CHMP4B: variants seen among roughly 807,000 people sequenced by gnomAD.
The protein encoded by CHMP4B is charged multivesicular body protein 4B.
A neutral mutation model predicts 25.1 loss-of-function variants in CHMP4B; 1 was observed. The observed-to-expected ratio is 0.04, with a 90% CI of 0.01 to 0.19. The LOEUF (loss-of-function observed/expected upper bound fraction) is 0.19. Ranked by LOEUF, CHMP4B falls within the 10% of genes least tolerant of loss-of-function variation. The pLI is 1.00. For synonymous variants in CHMP4B, 101 were observed against 115.6 expected (o/e 0.87, Z 0.81); for missense variants, 151 against 289.7 (o/e 0.52, Z 3.48).
At chr20:33,839,585 T>C (rs1979479280) in intron 1 of CHMP4B, among the ~76,000 whole-genome samples, 1 of 152,206 alleles carries the variant, frequency 6.6e-6, no homozygotes, top group South Asian at 2.1e-4. Flanking sequence ...CCATCTGGAC[T>C]GTCGCTAGTG....
chr20:33,836,600 C>T (rs535100082), intron 1 of CHMP4B, among the ~76,000 whole-genome samples: 1 of 152,074 alleles, frequency 6.6e-6, no homozygotes, highest in Non-Finnish European at 1.5e-5. Context: ...GGGTGCTGAT[C>T]AGTATTCTGC....
At position 33,853,878 on chromosome 20, in the gene CHMP4B, G is replaced by A. The variant is rs990622518; in HGVS notation, c.*318G>A. The A allele has an allele frequency of 9.1e-6, 4 of 441,288 alleles. No individual in the cohort carries two copies. The highest frequency in any genetic ancestry group is 1.7e-5 in the Non-Finnish European group (4 of 237,892). The allele number at this position is 441,288 out of a possible 1,614,324, so 27.3% of individuals were successfully genotyped here. ...CTGACTCCACTGCTGAATCCTCAAT[G>A]GAAAGGGTCGACTGGTTGCAGTTGA... On this transcript the variant is annotated 3_prime_UTR_variant, in exon 5 of 5. Coordinates refer to ENST00000217402, the MANE Select transcript of CHMP4B (RefSeq NM_176812.5).
chr20:33,812,246 C>G (rs901662059), intron 1 of CHMP4B, among the ~76,000 whole-genome samples: 1 of 152,218 alleles, frequency 6.6e-6, no homozygotes, highest in African/African-American at 2.4e-5. Context: ...GTTGCTTTCC[C>G]TTTGAGGCCT....
intron 1 of CHMP4B, among the ~76,000 whole-genome samples, chr20:33,844,891 T>A (rs777839761): frequency 1.3e-5 from 2 of 151,980 alleles, no homozygotes; most frequent in Non-Finnish European, 2.9e-5. Context: ...CCCAAGTGGC[T>A]CGGACCACAG....
In CHMP4B at chr20:33,848,639, C is replaced by G; in HGVS notation, c.363C>G (p.Asp121Glu). Reference protein sequence around the residue: ...YAAKAMKAAHDNMDIDKVDEL... With the variant: ...YAAKAMKAAHENMDIDKVDEL... ...CCAAGGCCATGAAGGCGGCCCATGA[C>G]AACATGTACGTGTCCACCCGCCCCT... Residue 121 changes from aspartate to glutamate, a missense_variant, in exon 2 of 5, where the codon GAC becomes GAG. Asp to Glu is a conservative substitution (Grantham distance 45). Coordinates refer to ENST00000217402, the MANE Select transcript of CHMP4B (RefSeq NM_176812.5). 3 of 1,614,208 alleles carry G rather than the reference C, an allele frequency of 1.9e-6. No homozygotes were observed. Among genetic ancestry groups the G allele is most frequent in the Non-Finnish European group, 2.5e-6 (3 of 1,180,030 alleles).
rs1300082481 is a variant in CHMP4B at position 33,832,948 on chromosome 20, A to T, written c.191-15519A>T. On this transcript the variant is annotated intron_variant, in intron 1 of 4. Coordinates refer to ENST00000217402, the MANE Select transcript of CHMP4B (RefSeq NM_176812.5). The stretch of plus-strand genomic sequence containing the variant: ...TGTGCACCACCATGCCTGGCTAATT[A>T]AAAAAAAATTTTTTTTTTTTTGTAG... 2.2e-4 allele frequency among the ~76,000 whole-genome samples: 25 copies of T among 113,504 alleles called. No homozygotes were observed. In the Admixed American group the frequency reaches 2.4e-3, roughly 11 times the overall value. 74.5% of individuals were successfully genotyped at this position (113,504 alleles called of 152,430 possible). A position where few individuals can be genotyped will look rare whatever the true frequency, so the allele number is the denominator to read the frequency against.
intron 1 of CHMP4B, among the ~76,000 whole-genome samples, chr20:33,835,867 T>C (rs1168446325): frequency 6.6e-6 from 1 of 151,820 alleles, no homozygotes; most frequent in Non-Finnish European, 1.5e-5. Context: ...GAGGAGGAGG[T>C]GCCAGGCTCT....
At chr20:33,849,465 T>C (rs554650758) in intron 2 of CHMP4B, among the ~76,000 whole-genome samples, 2 of 152,092 alleles carry the variant, frequency 1.3e-5, no homozygotes, top group East Asian at 3.9e-4. Context: ...CTGGGTGTCG[T>C]GGCATGCGCC....
At chr20:33,830,933 G>GTTGTTTTTTTTTTTTTTTTTTTT (rs746793442) in intron 1 of CHMP4B, among the ~76,000 whole-genome samples, 1 of 102,524 alleles carries the variant, frequency 9.8e-6, no homozygotes, top group African/African-American at 3.7e-5. Context: ...AAGGAACAGA[G>GTTGTTTTTTTTTTTTTTTTTTTT]TTTTTTTTTT....
chr20:33,851,231 A>G lies in CHMP4B; in HGVS notation c.483+165A>G, dbSNP rs542431187. On this transcript the variant is annotated intron_variant, in intron 3 of 4. Transcript: ENST00000217402. ...CTGCATTTTGAGGGACACTTTCTCTATTTGGGGTGGAAGCTTAGGTAGAGT... is the reference window on the plus strand; with the variant it reads ...CTGCATTTTGAGGGACACTTTCTCTGTTTGGGGTGGAAGCTTAGGTAGAGT... Among the ~76,000 whole-genome samples, 67 of 152,274 alleles carry G rather than the reference A, an allele frequency of 4.4e-4. No individual in the cohort carries two copies. In the South Asian group the frequency reaches 0.013, roughly 30 times the overall value.
intron 1 of CHMP4B, among the ~76,000 whole-genome samples, chr20:33,827,742 A>C (rs1196169200): frequency 3.3e-5 from 5 of 152,216 alleles, no homozygotes; most frequent in Admixed American, 2.6e-4. Context: ...CTACTGGACA[A>C]ACCCCCAGCA....
At chr20:33,847,287 T>A (rs1979712585) in intron 1 of CHMP4B, among the ~76,000 whole-genome samples, 1 of 96,316 alleles carries the variant, frequency 1.0e-5, no homozygotes, top group South Asian at 3.7e-4. Context: ...AGATGTACTG[T>A]TTTTTTTTTT....
chr20:33,840,780 T>C (rs990681586), intron 1 of CHMP4B, among the ~76,000 whole-genome samples: 2 of 152,246 alleles, frequency 1.3e-5, no homozygotes, highest in African/African-American at 4.8e-5. Flanking sequence ...CTGCAGTAAG[T>C]AATACCAGTG....
At chr20:33,845,852 G>A (rs1979675418) in intron 1 of CHMP4B, among the ~76,000 whole-genome samples, 1 of 152,198 alleles carries the variant, frequency 6.6e-6, no homozygotes, top group African/African-American at 2.4e-5. Context: ...GGCACTTACA[G>A]GACTCTCCCA....
chr20:33,849,601 AAAAAAAT>A (rs139349802), intron 2 of CHMP4B, among the ~76,000 whole-genome samples: 3,983 of 152,126 alleles, frequency 0.026, 169 homozygotes, highest in African/African-American at 0.089. Flanking sequence ...CTATCTCAAT[AAAAAAAT>A]AAAAAATAAA....
At chr20:33,830,920 T>A (rs933413219) in intron 1 of CHMP4B, among the ~76,000 whole-genome samples, 3 of 150,686 alleles carry the variant, frequency 2.0e-5, no homozygotes, top group African/African-American at 7.4e-5. Flanking sequence ...AATTAATTGT[T>A]CAAAGGAACA....
intron 1 of CHMP4B, among the ~76,000 whole-genome samples, chr20:33,831,619 C>T (rs1392675074): frequency 6.6e-6 from 1 of 152,160 alleles, no homozygotes; most frequent in Non-Finnish European, 1.5e-5. Context: ...AGTGATCCTC[C>T]TGCTTTGGCC....
At chr20:33,827,826 C>T (rs974161021) in intron 1 of CHMP4B, among the ~76,000 whole-genome samples, 3 of 152,156 alleles carry the variant, frequency 2.0e-5, no homozygotes, top group Non-Finnish European at 4.4e-5. Flanking sequence ...TTTGGGGCCA[C>T]AGGATGTAGG....
intron 1 of CHMP4B, among the ~76,000 whole-genome samples, chr20:33,821,184 C>G (rs1411569712): frequency 6.6e-6 from 1 of 151,540 alleles, no homozygotes; most frequent in East Asian, 2.0e-4. Flanking sequence ...GTCAGGAGTT[C>G]GAGACTAGCC....
Sources: gnomAD v4.1 joint callset for allele counts (sites outside exome capture counted in the v4.1 genomes callset) on GRCh38, gnomAD v4.1.1 for gene constraint, MANE v1.5 for transcripts, NCBI Gene and HGNC (gene_info 2026-07-23, HGNC 2026-07-21) for gene names.